The following PDE10A variants were observed in gnomAD, a reference collection of about 807,000 sequenced individuals.
The protein encoded by PDE10A is cAMP and cAMP-inhibited cGMP 3',5'-cyclic phosphodiesterase 10A.
A neutral mutation model predicts 97.7 loss-of-function variants in PDE10A; 39 were observed. The observed-to-expected ratio is 0.40, with a 90% CI of 0.31 to 0.52. PDE10A has a LOEUF of 0.52. Among genes scored for constraint, PDE10A ranks in the 20% least tolerant of loss-of-function variants. PDE10A has a pLI of 0.56. For missense variants in PDE10A, 731 were observed against 1,047.8 expected, an observed-to-expected ratio of 0.70 and a Z score of 4.17; for synonymous variants, 371 against 376.8, an observed-to-expected ratio of 0.98 and a Z score of 0.18.
intron 1 of PDE10A, among the ~76,000 whole-genome samples, chr6:165,598,145 T>C (rs553827810): frequency 6.6e-6 from 1 of 152,344 alleles, no homozygotes; most frequent in South Asian, 2.1e-4. Flanking sequence ...CCTGTCAGTT[T>C]GCCAATTAGG....
chr6:165,557,362 A>G (rs1446270838), intron 1 of PDE10A, among the ~76,000 whole-genome samples: 2 of 152,184 alleles, frequency 1.3e-5, no homozygotes, highest in African/African-American at 4.8e-5. Flanking sequence ...CACAGTTTCA[A>G]CTGGGATTTA....
At chr6:165,842,034 T>C (rs1780277041) in intron 1 of PDE10A, among the ~76,000 whole-genome samples, 3 of 152,188 alleles carry the variant, frequency 2.0e-5, no homozygotes, top group Non-Finnish European at 4.4e-5. Flanking sequence ...AAAATACATA[T>C]GTACAAGTTG....
chr6:165,803,130 G>A (rs1447332583), intron 1 of PDE10A, among the ~76,000 whole-genome samples: 1 of 152,162 alleles, frequency 6.6e-6, no homozygotes, highest in African/African-American at 2.4e-5. Context: ...CGAATGCTTG[G>A]TAACACCAAG....
chr6:165,433,869 T>C (rs1224793260), intron 6 of PDE10A, among the ~76,000 whole-genome samples: 4 of 151,290 alleles, frequency 2.6e-5, no homozygotes, highest in Non-Finnish European at 4.4e-5. Flanking sequence ...CAAAACAAAT[T>C]AGCCGGGCGC....
intron 3 of PDE10A, among the ~76,000 whole-genome samples, chr6:165,464,620 T>C (rs994943551): frequency 6.6e-6 from 1 of 152,168 alleles, no homozygotes; most frequent in Non-Finnish European, 1.5e-5. Context: ...AGAAAGAACA[T>C]TTCAACTCTT....
chr6:165,672,291 T>A (rs1043254263), intron 1 of PDE10A, among the ~76,000 whole-genome samples: 3 of 152,162 alleles, frequency 2.0e-5, no homozygotes, highest in East Asian at 1.9e-4. Context: ...GACAAACACA[T>A]CATAAGCTGA....
At chr6:165,926,853 T>A (rs1272425171) in intron 1 of PDE10A, among the ~76,000 whole-genome samples, 1 of 152,376 alleles carries the variant, frequency 6.6e-6, no homozygotes, top group East Asian at 1.9e-4. Context: ...TTTCATTTTC[T>A]AATGGAAATA....
chr6:165,880,869 C>T (rs1781453865), intron 1 of PDE10A, among the ~76,000 whole-genome samples: 1 of 152,218 alleles, frequency 6.6e-6, no homozygotes, highest in South Asian at 2.1e-4. Context: ...TTGCCAAGCA[C>T]TCTTTCCTCC....
chr6:165,487,646 T>C (rs1398113033), intron 2 of PDE10A, among the ~76,000 whole-genome samples: 2 of 152,126 alleles, frequency 1.3e-5, no homozygotes, highest in Non-Finnish European at 2.9e-5. Context: ...TGATATTACA[T>C]TGGGCAAGGT....
intron 1 of PDE10A, among the ~76,000 whole-genome samples, chr6:165,893,102 AAT>A (rs745307802): frequency 2.6e-5 from 4 of 152,248 alleles, no homozygotes; most frequent in Non-Finnish European, 5.9e-5. Flanking sequence ...TCCATTTTGA[AAT>A]AGTTACACAT....
intron 18 of PDE10A, among the ~76,000 whole-genome samples, chr6:165,378,527 C>A (rs1160426624): frequency 6.6e-6 from 1 of 152,128 alleles, no homozygotes; most frequent in Non-Finnish European, 1.5e-5. Flanking sequence ...TGAACAGGTT[C>A]ATAAAGAACA....
chr6:165,502,520 T>A (rs751138800), intron 2 of PDE10A, among the ~76,000 whole-genome samples: 3 of 152,368 alleles, frequency 2.0e-5, no homozygotes, highest in East Asian at 1.9e-4. Context: ...ACATTTTTAG[T>A]CATTAGGAAA....
intron 1 of PDE10A, among the ~76,000 whole-genome samples, chr6:165,862,617 G>A (rs1388256722): frequency 6.6e-6 from 1 of 151,462 alleles, no homozygotes; most frequent in Non-Finnish European, 1.5e-5. Flanking sequence ...ACTAACAGGT[G>A]CACTAAGAGC....
intron 1 of PDE10A, among the ~76,000 whole-genome samples, chr6:165,748,134 A>G (rs1792885652): frequency 6.6e-6 from 1 of 152,256 alleles, no homozygotes; most frequent in Admixed American, 6.5e-5. Context: ...AAACCAGGGT[A>G]GAGAACCCAT....
At chr6:165,722,108 C>T (rs928621900) in intron 1 of PDE10A, among the ~76,000 whole-genome samples, 13 of 152,190 alleles carry the variant, frequency 8.5e-5, no homozygotes, top group Admixed American at 3.9e-4. Flanking sequence ...GAATTACTTA[C>T]GTGATGATGT....
intron 1 of PDE10A, among the ~76,000 whole-genome samples, chr6:165,964,860 A>C (rs772213404): frequency 3.8e-4 from 58 of 152,210 alleles, no homozygotes; most frequent in Non-Finnish European, 7.9e-4. Flanking sequence ...GCGTGAGAAA[A>C]TCAAGGAGCA....
intron 1 of PDE10A, among the ~76,000 whole-genome samples, chr6:165,693,775 G>A (rs191662683): frequency 2.0e-5 from 3 of 152,158 alleles, no homozygotes; most frequent in East Asian, 1.9e-4. Context: ...TCATCTCCGG[G>A]TTCATTTGTT....
chr6:165,809,991 C>T (rs1304773475), intron 1 of PDE10A, among the ~76,000 whole-genome samples: 1 of 152,150 alleles, frequency 6.6e-6, no homozygotes, highest in African/African-American at 2.4e-5. Context: ...ATATGCAGAG[C>T]GCTTGGCAGG....
At position 165,559,848 on chromosome 6, in the gene PDE10A, G is replaced by A. The variant is rs577359978; in HGVS notation, c.866-16280C>T. Reference sequence around the variant, plus strand: ...GGTTTTATAAGGGATTTCTGCTTTCGCTTCTCTTTCATTCTCTCTTGCCGC... The same window carrying A: ...GGTTTTATAAGGGATTTCTGCTTTCACTTCTCTTTCATTCTCTCTTGCCGC... On this transcript the variant is annotated intron_variant, in intron 1 of 21. Transcript: ENST00000539869. Among the ~76,000 whole-genome samples the A allele has an allele frequency of 1.1e-4, 16 of 152,252 alleles. No homozygotes were observed. The South Asian group carries it at 1.7e-3, about 16-fold the overall frequency.
Sources: gnomAD v4.1 joint callset for allele counts (sites outside exome capture counted in the v4.1 genomes callset) on GRCh38, gnomAD v4.1.1 for gene constraint, MANE v1.5 for transcripts, NCBI Gene and HGNC (gene_info 2026-07-23, HGNC 2026-07-21) for gene names.